Variants in CAMTA1 observed in about 807,000 individuals in gnomAD.
CAMTA1 encodes calmodulin binding transcription activator 1.
CAMTA1 carries 27 observed loss-of-function variants against 170.9 expected under a neutral mutation model. That is an observed-to-expected ratio of 0.16 (90% CI 0.12 to 0.22). CAMTA1 has a LOEUF of 0.22. Among genes scored for constraint, CAMTA1 ranks in the 10% least tolerant of loss-of-function variants. CAMTA1 has a pLI of 1.00. For synonymous variants in CAMTA1, 833 were observed against 891.5 expected, an observed-to-expected ratio of 0.93 and a Z score of 1.17; for missense variants, 1,619 against 2,217.2, an observed-to-expected ratio of 0.73 and a Z score of 5.42.
chr1:7,034,149 A>ATTGTTGTT (rs983144878), intron 3 of CAMTA1, among the ~76,000 whole-genome samples: 1 of 151,436 alleles, frequency 6.6e-6, no homozygotes, highest in African/African-American at 2.4e-5. Flanking sequence ...AGTGACAGTG[A>ATTGTTGTT]TTGTTGTTTT....
At chr1:6,974,609 G>A (rs1331395046) in intron 3 of CAMTA1, among the ~76,000 whole-genome samples, 1 of 152,190 alleles carries the variant, frequency 6.6e-6, no homozygotes, top group Non-Finnish European at 1.5e-5. Flanking sequence ...TGTTGGTCGG[G>A]CAGGGAGGCT....
At chr1:6,856,330 G>A (rs1299847157) in intron 3 of CAMTA1, among the ~76,000 whole-genome samples, 37 of 137,830 alleles carry the variant, frequency 2.7e-4, no homozygotes, top group Admixed American at 1.1e-3. Flanking sequence ...TCCCCCTGCC[G>A]CTTTTTTTTT....
At chr1:7,686,731 G>A (rs574111835) in intron 11 of CAMTA1, among the ~76,000 whole-genome samples, 7 of 152,290 alleles carry the variant, frequency 4.6e-5, no homozygotes, top group East Asian at 1.9e-4. Flanking sequence ...TCTTGCGTCC[G>A]TTCGGGCAAG....
intron 6 of CAMTA1, among the ~76,000 whole-genome samples, chr1:7,591,985 G>A (rs1204465954): frequency 2.0e-5 from 3 of 152,118 alleles, no homozygotes; most frequent in African/African-American, 7.2e-5. Flanking sequence ...TGCAACCTCC[G>A]CCTTGTGGGT....
At chr1:7,401,753 G>A (rs1023552129) in intron 5 of CAMTA1, among the ~76,000 whole-genome samples, 1 of 152,112 alleles carries the variant, frequency 6.6e-6, no homozygotes, top group Non-Finnish European at 1.5e-5. Context: ...AAATGATACT[G>A]TTTTTTCCTC....
At chr1:7,623,069 G>A (rs892839907) in intron 6 of CAMTA1, among the ~76,000 whole-genome samples, 3 of 152,154 alleles carry the variant, frequency 2.0e-5, no homozygotes, top group African/African-American at 7.2e-5. Flanking sequence ...TCTCAAGCTC[G>A]CTGGCTAAAT....
intron 11 of CAMTA1, among the ~76,000 whole-genome samples, chr1:7,711,762 C>CA (rs1279291388): frequency 6.6e-6 from 1 of 152,174 alleles, no homozygotes; most frequent in Admixed American, 6.5e-5. Flanking sequence ...CTAGCCAGAA[C>CA]CAATGCCCCT....
chr1:7,148,870 A>G (rs1646395778), intron 4 of CAMTA1, among the ~76,000 whole-genome samples: 1 of 152,186 alleles, frequency 6.6e-6, no homozygotes, highest in South Asian at 2.1e-4. Flanking sequence ...TGCTTCTCCC[A>G]GCTCAGTTGT....
intron 8 of CAMTA1, 34 bp downstream of exon 8, chr1:7,661,900 C>T (rs371983883): frequency 2.5e-5 from 40 of 1,570,046 alleles, no homozygotes; most frequent in Middle Eastern, 3.3e-4. Flanking sequence ...GCGGGCGCCA[C>T]GGGGACAGAG....
At chr1:7,533,757 A>G (rs1223603644) in intron 6 of CAMTA1, among the ~76,000 whole-genome samples, 1 of 152,024 alleles carries the variant, frequency 6.6e-6, no homozygotes, top group African/African-American at 2.4e-5. Context: ...TACTAAAAAT[A>G]TAAAAATTAG....
At chr1:7,361,252 G>A (rs757945799) in intron 5 of CAMTA1, among the ~76,000 whole-genome samples, 29 of 152,312 alleles carry the variant, frequency 1.9e-4, no homozygotes, top group Non-Finnish European at 3.4e-4. Context: ...TCATTGAGTC[G>A]TTTGCTCAAC....
intron 11 of CAMTA1, among the ~76,000 whole-genome samples, chr1:7,704,100 C>T (rs1483853230): frequency 6.6e-6 from 1 of 151,762 alleles, no homozygotes; most frequent in African/African-American, 2.4e-5. Flanking sequence ...TCCAGCCTGG[C>T]CCCCACGCCT....
chr1:6,997,573 C>T (rs1697464725), intron 3 of CAMTA1, among the ~76,000 whole-genome samples: 1 of 151,886 alleles, frequency 6.6e-6, no homozygotes, highest in Non-Finnish European at 1.5e-5. Context: ...ACAGATTCCT[C>T]CATTCATGTT....
chr1:7,458,065 G>A (rs978844225), intron 5 of CAMTA1, among the ~76,000 whole-genome samples: 1 of 152,170 alleles, frequency 6.6e-6, no homozygotes, highest in Admixed American at 6.5e-5. Context: ...CTTCCTGTCT[G>A]GGGGTGGGGA....
intron 21 of CAMTA1, 120 bp downstream of exon 21, chr1:7,752,653 T>A: frequency 1.3e-6 from 1 of 742,494 alleles, no homozygotes; most frequent in East Asian, 2.9e-5. Context: ...AGGGCAGACG[T>A]CCCAAATTAC....
chr1:7,099,771 G>A (rs1642504272), intron 4 of CAMTA1, among the ~76,000 whole-genome samples: 1 of 152,220 alleles, frequency 6.6e-6, no homozygotes, highest in South Asian at 2.1e-4. Flanking sequence ...TGCCTAGTTT[G>A]AGCTGGCCTG....
intron 11 of CAMTA1, among the ~76,000 whole-genome samples, chr1:7,705,772 C>T (rs1172870647): frequency 6.6e-6 from 1 of 152,116 alleles, no homozygotes; most frequent in Non-Finnish European, 1.5e-5. Flanking sequence ...ACCAGGGGAG[C>T]GGAGGGACGC....
intron 3 of CAMTA1, among the ~76,000 whole-genome samples, chr1:7,027,848 G>A (rs114448526): frequency 1.2e-3 from 185 of 152,036 alleles, no homozygotes; most frequent in African/African-American, 4.0e-3. Context: ...CCCTTCAGTA[G>A]TAATGCTTAG....
Position 6,935,513 on chromosome 1 carries a change from T to C in CAMTA1, c.234+110303T>C, listed in dbSNP as rs1465499078. Among the ~76,000 whole-genome samples the C allele has an allele frequency of 4.6e-5, 7 of 152,344 alleles. 1 individual carries two copies. In the South Asian group the frequency reaches 1.2e-3, roughly 27 times the overall value. ...TTATTTTAAAGTCAATGTGCTTATC[T>C]GGAGAGAAGGCTGCTCTCTGAATAA... On this transcript the variant is annotated intron_variant, in intron 3 of 22. Coordinates refer to ENST00000303635, the MANE Select transcript of CAMTA1 (RefSeq NM_015215.4).
Sources: gnomAD v4.1 joint callset for allele counts (sites outside exome capture counted in the v4.1 genomes callset) on GRCh38, gnomAD v4.1.1 for gene constraint, MANE v1.5 for transcripts, NCBI Gene and HGNC (gene_info 2026-07-23, HGNC 2026-07-21) for gene names.